The following CACNA1C variants were observed in gnomAD, a reference collection of about 807,000 sequenced individuals.
CACNA1C encodes calcium voltage-gated channel subunit alpha1 C, also known as voltage-dependent L-type calcium channel subunit alpha-1C.
A neutral mutation model predicts 229.0 loss-of-function variants in CACNA1C; 30 were observed. That is an observed-to-expected ratio of 0.13 (90% CI 0.10 to 0.18). CACNA1C has a LOEUF of 0.18. CACNA1C is among the 10% of genes least tolerant of loss of function. The pLI is 1.00. For missense variants in CACNA1C, 1,658 were observed against 2,845.0 expected, an observed-to-expected ratio of 0.58 and a Z score of 9.49; for synonymous variants, 1,114 against 1,132.5, an observed-to-expected ratio of 0.98 and a Z score of 0.33.
rs377267927 is a variant in CACNA1C, at chr12:2,061,385, G to A, written c.49+7774G>A. 1.6e-4 allele frequency among the ~76,000 whole-genome samples: 24 copies of A among 152,332 alleles called. No individual in the cohort carries two copies. The East Asian group carries it at 3.7e-3, about 23-fold the overall frequency. On this transcript the variant is annotated intron_variant, in intron 1 of 46. Coordinates refer to ENST00000399655, the MANE Select transcript of CACNA1C (RefSeq NM_000719.7). ...TATTCAATATTTTAAAGGTGAAAATGTAAAACAAAGAGAAACCAGAGTCTG... is the reference window on the plus strand; with the variant it reads ...TATTCAATATTTTAAAGGTGAAAATATAAAACAAAGAGAAACCAGAGTCTG...
intron 3 of CACNA1C, among the ~76,000 whole-genome samples, chr12:2,372,330 T>C (rs1004698292): frequency 1.3e-5 from 2 of 152,210 alleles, no homozygotes; most frequent in Non-Finnish European, 2.9e-5. Flanking sequence ...CTTGCTGCTC[T>C]CTTCCTGAGC....
intron 1 of CACNA1C, among the ~76,000 whole-genome samples, chr12:1,998,913 C>T (rs1361792530): frequency 6.6e-6 from 1 of 152,148 alleles, no homozygotes; most frequent in African/African-American, 2.4e-5. Context: ...AATTTAAGTA[C>T]TCTGTAATTC....
chr12:2,090,000 G>A (rs2069852407), intron 1 of CACNA1C, among the ~76,000 whole-genome samples: 1 of 152,252 alleles, frequency 6.6e-6, no homozygotes, highest in African/African-American at 2.4e-5. Context: ...TTGCACTCCA[G>A]CCTGGGTGAC....
chr12:2,207,687 A>C (rs2097790431), intron 3 of CACNA1C, among the ~76,000 whole-genome samples: 1 of 152,048 alleles, frequency 6.6e-6, no homozygotes, highest in Admixed American at 6.6e-5. Flanking sequence ...GGTGGTGTGC[A>C]CCTGTAGTCT....
At chr12:2,525,583 C>T (rs551716971) in intron 9 of CACNA1C, among the ~76,000 whole-genome samples, 4 of 152,332 alleles carry the variant, frequency 2.6e-5, no homozygotes, top group African/African-American at 7.2e-5. Context: ...ACCATAAACA[C>T]ACCCACAAGC....
intron 10 of CACNA1C, among the ~76,000 whole-genome samples, chr12:2,555,190 C>G (rs1182517808): frequency 6.6e-6 from 1 of 152,226 alleles, no homozygotes; most frequent in African/African-American, 2.4e-5. Flanking sequence ...AGGGTCATTT[C>G]CCTTGGAGAC....
chr12:2,675,486 CTTACACATAT>C (rs1213188934), intron 39 of CACNA1C, among the ~76,000 whole-genome samples: 1 of 152,210 alleles, frequency 6.6e-6, no homozygotes, highest in African/African-American at 2.4e-5. Context: ...CACACACATA[CTTACACATAT>C]GCAGAACAAC....
At chr12:2,393,276 G>A (rs2098518386) in intron 3 of CACNA1C, among the ~76,000 whole-genome samples, 2 of 152,132 alleles carry the variant, frequency 1.3e-5, no homozygotes, top group African/African-American at 4.8e-5. Context: ...GCCTCTAACT[G>A]ATCACCAGCC....
chr12:2,237,537 A>G (rs1029600435), intron 3 of CACNA1C, among the ~76,000 whole-genome samples: 2 of 152,244 alleles, frequency 1.3e-5, no homozygotes, highest in African/African-American at 4.8e-5. Flanking sequence ...GGCAGCTTTC[A>G]GATTTGGAGA....
intron 1 of CACNA1C, among the ~76,000 whole-genome samples, chr12:2,068,003 A>G (rs1010405122): frequency 1.3e-5 from 2 of 152,068 alleles, no homozygotes; most frequent in African/African-American, 4.8e-5. Context: ...AGAACAGAAC[A>G]TTTTGTTATT....
At chr12:2,193,139 G>A (rs925643877) in intron 3 of CACNA1C, among the ~76,000 whole-genome samples, 1 of 152,234 alleles carries the variant, frequency 6.6e-6, no homozygotes, top group Non-Finnish European at 1.5e-5. Flanking sequence ...TACTGGCCCT[G>A]CCAGGAACAT....
intron 13 of CACNA1C, among the ~76,000 whole-genome samples, chr12:2,580,319 A>G (rs1422045405): frequency 6.6e-6 from 1 of 152,200 alleles, no homozygotes; most frequent in Non-Finnish European, 1.5e-5. Flanking sequence ...CATCCAAACT[A>G]TGACCCCTCT....
chr12:2,688,948 C>T (rs572258396), intron 46 of CACNA1C, among the ~76,000 whole-genome samples, 169 bp downstream of exon 46: 68 of 152,334 alleles, frequency 4.5e-4, no homozygotes, highest in African/African-American at 1.6e-3. Context: ...TGCGGAAAGC[C>T]ATGACTGCAC....
Position 2,504,138 on chromosome 12 carries a change from C to G in CACNA1C, c.1114-704C>G, listed in dbSNP as rs2099766544. 6.6e-6 allele frequency among the ~76,000 whole-genome samples: 1 copy of G among 152,206 alleles called. No individual in the cohort carries two copies. ...CTGAAGAAATTATTTTTTGAGGTGA[C>G]CCATTTTCTCAGACAAGTGAATAGA... On this transcript the variant is annotated intron_variant, in intron 7 of 46. Coordinates refer to ENST00000399655, the MANE Select transcript of CACNA1C (RefSeq NM_000719.7). The surrounding 1 kb of genome is among the most constrained non-coding windows in gnomAD (Gnocchi z 6.8).
chr12:2,374,439 C>T (rs1231721945), intron 3 of CACNA1C, among the ~76,000 whole-genome samples: 1 of 152,210 alleles, frequency 6.6e-6, no homozygotes, highest in African/African-American at 2.4e-5. Flanking sequence ...GTTCGTAACT[C>T]AATATTCCAG....
At chr12:2,171,275 C>T (rs556935819) in intron 3 of CACNA1C, among the ~76,000 whole-genome samples, 4 of 152,282 alleles carry the variant, frequency 2.6e-5, no homozygotes, top group South Asian at 2.1e-4. Context: ...AAACTGGCCC[C>T]GTAGAGATTA....
chr12:2,249,443 A>G (rs2074684459), intron 3 of CACNA1C, among the ~76,000 whole-genome samples: 2 of 152,222 alleles, frequency 1.3e-5, no homozygotes, highest in Non-Finnish European at 2.9e-5. Context: ...ATCCTAAAAT[A>G]AAATCCTAAA....
At chr12:2,077,473 T>G (rs1020944217) in intron 1 of CACNA1C, among the ~76,000 whole-genome samples, 43 of 152,146 alleles carry the variant, frequency 2.8e-4, no homozygotes, top group Non-Finnish European at 1.0e-4. Flanking sequence ...AAAATAGCCT[T>G]ACTTTATTGA....
At chr12:2,590,044 T>C (rs1415633648) in intron 18 of CACNA1C, among the ~76,000 whole-genome samples, 1 of 152,204 alleles carries the variant, frequency 6.6e-6, no homozygotes, top group African/African-American at 2.4e-5. Context: ...AGGCACTCCC[T>C]TCAGCTGGTA....
Sources: gnomAD v4.1 joint callset for allele counts (sites outside exome capture counted in the v4.1 genomes callset) on GRCh38, gnomAD v4.1.1 for gene constraint, Gnocchi (gnomAD v3.1) non-coding constraint, MANE v1.5 for transcripts, NCBI Gene and HGNC (gene_info 2026-07-23, HGNC 2026-07-21) for gene names.